The following OTOF variants were observed in gnomAD, a reference collection of about 807,000 sequenced individuals.
The protein encoded by OTOF is otoferlin.
In OTOF, 218 loss-of-function variants were observed where a neutral mutation model predicts 236.8. The ratio of observed to expected loss-of-function variants is 0.92; its 90% CI spans 0.82 to 1.03. OTOF has a LOEUF of 1.03. Ranked by LOEUF, OTOF falls within the 50% of genes least tolerant of loss-of-function variation. OTOF has a pLI of 0.00. For synonymous variants in OTOF, 1,041 were observed against 1,072.5 expected (o/e 0.97, Z 0.57); for missense variants, 2,590 against 2,694.4 (o/e 0.96, Z 0.86).
At chr2:26,527,665 T>C (rs1666841519) in intron 3 of OTOF, among the ~76,000 whole-genome samples, 167 bp downstream of exon 3, 1 of 152,088 alleles carries the variant, frequency 6.6e-6, no homozygotes, top group African/African-American at 2.4e-5. Context: ...GGGATCAAAA[T>C]GGGGATCAAA....
chr2:26,525,748 G>T (rs1317618506), intron 3 of OTOF, among the ~76,000 whole-genome samples: 1 of 151,980 alleles, frequency 6.6e-6, no homozygotes, highest in East Asian at 1.9e-4. Context: ...ATGGATGAAA[G>T]AATGAAAGAA....
At chr2:26,500,882 A>T (rs112335456) in intron 8 of OTOF, among the ~76,000 whole-genome samples, 3 of 152,266 alleles carry the variant, frequency 2.0e-5, no homozygotes, top group African/African-American at 7.2e-5. Context: ...ACCCTGGTAG[A>T]TGGGGCTCAC....
chr2:26,477,421 C>A lies in OTOF; in HGVS notation c.2401G>T (p.Glu801Ter), dbSNP rs75624587. The stretch of plus-strand genomic sequence containing the variant: ...CCGTCCAGTTGCGTCCTCACCAGCT[C>A]CCTCATGCAGGACTTGAGGCGCTCC... ...DRERLKSCMR[E>*]LENMGQQARM... The change falls in exon 20 of 47, where the codon GAG (glutamate) becomes TAG (stop). Residue 801 changes from glutamate to a stop codon, truncating the protein, a stop_gained. Transcript: ENST00000272371. LOFTEE classifies it high-confidence loss of function. This position sits in a 1 kb window ranked among gnomAD's most constrained non-coding sequence, Gnocchi z 4.7. 6.6e-3 allele frequency: 10,424 copies of A among 1,586,870 alleles called. 535 individuals carry two copies. In the African/African-American group the frequency reaches 0.12, roughly 18 times the overall value.
Position 26,475,342 on chromosome 2 carries a change from C to T in OTOF, c.3126+17G>A. On this transcript the variant is annotated intron_variant, in intron 25 of 46. Coordinates refer to ENST00000272371, the MANE Select transcript of OTOF (RefSeq NM_194248.3). The stretch of plus-strand genomic sequence containing the variant: ...TGTGGTGCTGCTGGGGTCCCTGGCA[C>T]CAGAGCCCACCCATACCATGGAATC... 6.2e-7 allele frequency: 1 copy of T among 1,612,722 alleles called. No homozygotes were observed. Among genetic ancestry groups the T allele is most frequent in the Non-Finnish European group, 8.5e-7 (1 of 1,179,870 alleles).
intron 5 of OTOF, among the ~76,000 whole-genome samples, chr2:26,510,343 C>G (rs920099390): frequency 6.6e-6 from 1 of 152,104 alleles, no homozygotes; most frequent in Non-Finnish European, 1.5e-5. Context: ...GGTCCTCATG[C>G]CCCTCTCCCC....
At position 26,468,689 on chromosome 2, in the gene OTOF, T is replaced by C. The variant is rs138466583; in HGVS notation, c.4024-215A>G. Reference sequence around the variant, plus strand: ...TGGTACTTAGGGGTTTATGCATCTGTGGCACATATACACCATGGAATACTA... The same window carrying C: ...TGGTACTTAGGGGTTTATGCATCTGCGGCACATATACACCATGGAATACTA... On this transcript the variant is annotated intron_variant, in intron 32 of 46. Coordinates refer to ENST00000272371, the MANE Select transcript of OTOF (RefSeq NM_194248.3). 3.9e-5 allele frequency among the ~76,000 whole-genome samples: 6 copies of C among 152,288 alleles called. No individual in the cohort carries two copies. In the East Asian group the frequency reaches 1.2e-3, roughly 29 times the overall value.
intron 2 of OTOF, among the ~76,000 whole-genome samples, chr2:26,529,229 C>A (rs140541506): frequency 6.6e-6 from 1 of 152,184 alleles, no homozygotes. Context: ...CTGCTCAAGA[C>A]GCTGTGGAGA....
chr2:26,516,662 G>C, intron 4 of OTOF, 63 bp from the exon 5 acceptor site: 1 of 1,550,902 alleles, frequency 6.4e-7, no homozygotes, highest in Non-Finnish European at 8.8e-7. Context: ...CCCCGTATAT[G>C]TGGCTGCTTG....
At chr2:26,529,430 T>C (rs1572481130) in intron 2 of OTOF, among the ~76,000 whole-genome samples, 1 of 152,222 alleles carries the variant, frequency 6.6e-6, no homozygotes, top group African/African-American at 2.4e-5. Flanking sequence ...TGCATATTCA[T>C]TCATTTAGTC....
At chr2:26,526,783 C>G (rs1255804574) in intron 3 of OTOF, among the ~76,000 whole-genome samples, 2 of 152,180 alleles carry the variant, frequency 1.3e-5, no homozygotes, top group Non-Finnish European at 2.9e-5. Context: ...ATTCTGAGTC[C>G]TCAGTGAGCT....
intron 8 of OTOF, among the ~76,000 whole-genome samples, chr2:26,501,055 C>A (rs1666104724): frequency 6.6e-6 from 1 of 152,164 alleles, no homozygotes; most frequent in African/African-American, 2.4e-5. Flanking sequence ...ATAGCTGAGT[C>A]CTGTTAGCCT....
intron 5 of OTOF, among the ~76,000 whole-genome samples, chr2:26,507,651 A>C (rs1367673184): frequency 6.6e-6 from 1 of 152,184 alleles, no homozygotes; most frequent in African/African-American, 2.4e-5. Flanking sequence ...GCCAATAATC[A>C]ACTCAGTGAA....
rs1174557962 is a variant in OTOF, at chr2:26,464,125, C to T, written c.4961-19G>A. ...CTCTGACCTGTGGGTGCCGGCGGCT[C>T]AGCTGCACACATGGCTCAGCAGAAC... On this transcript the variant is annotated intron_variant, in intron 39 of 46. Transcript: ENST00000272371. 6 of 1,612,858 alleles carry T rather than the reference C, an allele frequency of 3.7e-6. No homozygotes were observed. The highest frequency in any genetic ancestry group is 5.1e-6 in the Non-Finnish European group (6 of 1,179,914).
intron 8 of OTOF, among the ~76,000 whole-genome samples, chr2:26,498,823 T>C (rs73920296): frequency 0.063 from 9,603 of 152,226 alleles, 1,028 homozygotes; most frequent in African/African-American, 0.22. Context: ...CGCCCTTTAG[T>C]ACTGTCCTTC....
intron 35 of OTOF, 92 bp from the exon 36 acceptor site, chr2:26,466,943 T>C (rs1179840255): frequency 3.4e-5 from 53 of 1,576,270 alleles, no homozygotes; most frequent in East Asian, 2.0e-4. Flanking sequence ...TGGACCCTGA[T>C]GTGGCAGGGC....
At chr2:26,475,285 G>T in intron 25 of OTOF, 74 bp downstream of exon 25, 1 of 1,550,896 alleles carries the variant, frequency 6.4e-7, no homozygotes, top group Non-Finnish European at 8.9e-7. Flanking sequence ...CACAGCCTCA[G>T]CGCAGGTGGA....
intron 3 of OTOF, among the ~76,000 whole-genome samples, chr2:26,520,040 A>C (rs985874626): frequency 9.2e-5 from 14 of 152,216 alleles, no homozygotes; most frequent in African/African-American, 2.4e-5. Context: ...GTGCCCAATA[A>C]ATGCTGATGG....
chr2:26,552,831 T>C (rs1176806199), intron 1 of OTOF, among the ~76,000 whole-genome samples: 1 of 152,200 alleles, frequency 6.6e-6, no homozygotes, highest in Non-Finnish European at 1.5e-5. Context: ...AGCCACCGGC[T>C]GCCAAGGTCG....
intron 9 of OTOF, among the ~76,000 whole-genome samples, chr2:26,492,763 G>A (rs2148069804): frequency 6.6e-6 from 1 of 152,306 alleles, no homozygotes; most frequent in South Asian, 2.1e-4. Flanking sequence ...CTCAACTCCA[G>A]GACATTAACA....
Sources: gnomAD v4.1 joint callset for allele counts (sites outside exome capture counted in the v4.1 genomes callset) on GRCh38, gnomAD v4.1.1 for gene constraint, Gnocchi (gnomAD v3.1) non-coding constraint, MANE v1.5 for transcripts, NCBI Gene and HGNC (gene_info 2026-07-23, HGNC 2026-07-21) for gene names.